The following LRP8 variants were observed in gnomAD, a reference collection of about 807,000 sequenced individuals.
LRP8 encodes the protein low-density lipoprotein receptor-related protein 8.
A neutral mutation model predicts 111.6 loss-of-function variants in LRP8; 46 were observed. The ratio of observed to expected loss-of-function variants is 0.41; its 90% CI spans 0.33 to 0.53. LRP8 has a LOEUF of 0.53. Ranked by LOEUF, LRP8 falls within the 20% of genes least tolerant of loss-of-function variation. LRP8 has a pLI of 0.20. For missense variants in LRP8, 959 were observed against 1,297.4 expected, an observed-to-expected ratio of 0.74 and a Z score of 4.01; for synonymous variants, 464 against 511.2, an observed-to-expected ratio of 0.91 and a Z score of 1.24.
chr1:53,265,714 C>T (rs556223321), intron 9 of LRP8, among the ~76,000 whole-genome samples: 1 of 152,340 alleles, frequency 6.6e-6, no homozygotes, highest in East Asian at 1.9e-4. Flanking sequence ...TGCTTCCATC[C>T]ACTCTTCCAC....
chr1:53,249,266 C>T lies in LRP8; in HGVS notation c.2853+114G>A, dbSNP rs1218452223. The stretch of plus-strand genomic sequence containing the variant: ...CATTTTTCTTCTTTGCCCCAACACC[C>T]AGCTTACAATTTGCAGCCTTCCCAA... On this transcript the variant is annotated intron_variant, in intron 18 of 18. Coordinates refer to ENST00000306052, the MANE Select transcript of LRP8 (RefSeq NM_004631.5). The surrounding 1 kb of genome is among the most constrained non-coding windows in gnomAD (Gnocchi z 4.1). The T allele has an allele frequency of 2.6e-6, 3 of 1,156,566 alleles. No homozygotes were observed. In the East Asian group the frequency reaches 7.3e-5, roughly 28 times the overall value. The allele number at this position is 1,156,566 out of a possible 1,614,324, so 71.6% of individuals were successfully genotyped here.
At chr1:53,265,228 C>T (rs1646506756) in intron 9 of LRP8, among the ~76,000 whole-genome samples, 1 of 152,188 alleles carries the variant, frequency 6.6e-6, no homozygotes, top group African/African-American at 2.4e-5. Flanking sequence ...CTTCTTCTTG[C>T]CCTCTCTCTG....
rs1647011538 is a variant in LRP8, at chr1:53,278,795, G to C, written c.497-1717C>G. 2.0e-5 allele frequency among the ~76,000 whole-genome samples: 3 copies of C among 148,820 alleles called. No individual in the cohort carries two copies. In the South Asian group the frequency reaches 6.4e-4, roughly 32 times the overall value. On this transcript the variant is annotated intron_variant, in intron 4 of 18. Transcript: ENST00000306052. ...TTTTAATTTTCTTTTTTGAGATGGA[G>C]TCTCGCTCTGTCGCCCAGGCTGGAG...
Position 53,246,174 on chromosome 1 carries a change from A to G in LRP8, c.*844T>C, listed in dbSNP as rs1645722287. Reference sequence around the variant, plus strand: ...TGGGTGAGCTGAAAGGCTTTTCCTGACTTCCTGGGGTCTCAGGAATAGCCA... The same window carrying G: ...TGGGTGAGCTGAAAGGCTTTTCCTGGCTTCCTGGGGTCTCAGGAATAGCCA... On this transcript the variant is annotated 3_prime_UTR_variant, in exon 19 of 19. Coordinates refer to ENST00000306052, the MANE Select transcript of LRP8 (RefSeq NM_004631.5). 1 of 152,162 alleles carries G rather than the reference A, an allele frequency of 6.6e-6. No homozygotes were observed. The highest frequency in any genetic ancestry group is 2.1e-4 in the South Asian group (1 of 4,832). 9.4% of individuals were successfully genotyped at this position (152,162 alleles called of 1,614,324 possible). A position where few individuals can be genotyped will look rare whatever the true frequency, so the allele number is the denominator to read the frequency against.
At chr1:53,273,886 A>G (rs912998955) in intron 6 of LRP8, among the ~76,000 whole-genome samples, 4 of 152,200 alleles carry the variant, frequency 2.6e-5, no homozygotes, top group Admixed American at 1.3e-4. Context: ...AGAAGGCAGG[A>G]AAGGGAGGGA....
At position 53,262,230 on chromosome 1, in the gene LRP8, G is replaced by A. The variant is rs1646365975; in HGVS notation, c.1775-23C>T. The A allele has an allele frequency of 6.2e-7, 1 of 1,612,030 alleles. No homozygotes were observed. Among genetic ancestry groups the A allele is most frequent in the Non-Finnish European group, 8.5e-7 (1 of 1,179,692 alleles). On this transcript the variant is annotated intron_variant, in intron 11 of 18. Transcript: ENST00000306052. This position sits in a 1 kb window ranked among gnomAD's most constrained non-coding sequence, Gnocchi z 4.8. ...GATCTTGGGAAGGAAGCAGGATCAGGTCATGAACCTGGGACCCCAGTCTGG... is the reference window on the plus strand; with the variant it reads ...GATCTTGGGAAGGAAGCAGGATCAGATCATGAACCTGGGACCCCAGTCTGG...
At position 53,326,873 on chromosome 1, in the gene LRP8, G is replaced by A. The variant is rs772720362; in HGVS notation, c.244C>T (p.Pro82Ser). 6.2e-7 allele frequency: 1 copy of A among 1,612,250 alleles called. No individual in the cohort carries two copies. Among genetic ancestry groups the A allele is most frequent in the Non-Finnish European group, 8.5e-7 (1 of 1,179,432 alleles). The part of the protein sequence containing the change: ...CLDHSDEDDC[P>S]KKTCADSDFT... ...CTGAGCTCCCTGGCCCGCCACTCAC[G>A]GCAGTCGTCCTCGTCGCTGTGGTCT... The change falls in exon 2 of 19, where the codon CCC becomes TCC. Residue 82 changes from proline to serine, a missense_variant and splice_region_variant. Pro to Ser is a moderately conservative substitution (Grantham distance 74). Coordinates refer to ENST00000306052, the MANE Select transcript of LRP8 (RefSeq NM_004631.5).
chr1:53,276,844 AGCTCG>A lies in LRP8; in HGVS notation c.726_730del (p.Glu243LeufsTer85), dbSNP rs1424386070. 7.7e-7 allele frequency: 1 copy of A among 1,299,844 alleles called. No individual in the cohort carries two copies. The highest frequency in any genetic ancestry group is 9.8e-7 in the Non-Finnish European group (1 of 1,022,818). 80.5% of individuals were successfully genotyped at this position (1,299,844 alleles called of 1,614,324 possible). Reference sequence around the variant, plus strand: ...GGCCCCGGGGCCCGGACGGCCGCAGAGCTCGGCTGCCTCGTCCGAGCGGTCCTCGC... The same window carrying A: ...GGCCCCGGGGCCCGGACGGCCGCAGAGCTGCCTCGTCCGAGCGGTCCTCGC... On this transcript the variant is annotated frameshift_variant, in exon 5 of 19. Transcript: ENST00000306052. LOFTEE classifies it high-confidence loss of function.
Position 53,275,412 on chromosome 1 carries a change from A to C in LRP8, c.1006+219T>G, listed in dbSNP as rs1287708669. Among the ~76,000 whole-genome samples the C allele has an allele frequency of 6.6e-6, 1 of 152,158 alleles. No individual in the cohort carries two copies. The highest frequency in any genetic ancestry group is 1.5e-5 in the Non-Finnish European group (1 of 68,030). ...CCCAAGTGCTCTGTCATGTCCCCCTAGGTGTCTTTCAGCTTTGGCAAAGTC... is the reference window on the plus strand; with the variant it reads ...CCCAAGTGCTCTGTCATGTCCCCCTCGGTGTCTTTCAGCTTTGGCAAAGTC... On this transcript the variant is annotated intron_variant, in intron 6 of 18. Transcript: ENST00000306052. The surrounding 1 kb of genome is among the most constrained non-coding windows in gnomAD (Gnocchi z 4.4).
chr1:53,253,147 A>G (rs1645952334), intron 16 of LRP8, among the ~76,000 whole-genome samples: 1 of 152,178 alleles, frequency 6.6e-6, no homozygotes, highest in Non-Finnish European at 1.5e-5. Context: ...ATACTAAAAA[A>G]AAGTTTAAAG....
chr1:53,314,113 C>G (rs1389862976), intron 2 of LRP8, among the ~76,000 whole-genome samples: 1 of 152,202 alleles, frequency 6.6e-6, no homozygotes, highest in East Asian at 1.9e-4. Context: ...CCAGGCAATG[C>G]CTGCACTCCG....
chr1:53,249,839 C>T lies in LRP8; in HGVS notation c.2677-283G>A, dbSNP rs541391864. Among the ~76,000 whole-genome samples the T allele has an allele frequency of 6.6e-6, 1 of 152,340 alleles. No individual in the cohort carries two copies. ...TTCCCCAGACAGAATTAATAGCTCC[C>T]TTGTTGATGTTTCCATGGCATCTGT... On this transcript the variant is annotated intron_variant, in intron 17 of 18. Transcript: ENST00000306052. This position sits in a 1 kb window ranked among gnomAD's most constrained non-coding sequence, Gnocchi z 4.1.
At chr1:53,299,223 T>C (rs953175426) in intron 2 of LRP8, among the ~76,000 whole-genome samples, 2 of 151,952 alleles carry the variant, frequency 1.3e-5, no homozygotes, top group Non-Finnish European at 2.9e-5. Flanking sequence ...GGGTGGCGGG[T>C]CCCTGGCTGC....
rs1423076947 is a variant in LRP8, at chr1:53,246,751, C to T, written c.*267G>A. ...GTGCATCATGTTAGTCAGCAGTAGC[C>T]ATTCCACGAATTCCTCATGGGTAGT... On this transcript the variant is annotated 3_prime_UTR_variant, in exon 19 of 19. Coordinates refer to ENST00000306052, the MANE Select transcript of LRP8 (RefSeq NM_004631.5). 2 of 450,736 alleles carry T rather than the reference C, an allele frequency of 4.4e-6. No individual in the cohort carries two copies. The highest frequency in any genetic ancestry group is 7.8e-6 in the Non-Finnish European group (2 of 256,542). 27.9% of individuals were successfully genotyped at this position (450,736 alleles called of 1,614,324 possible).
rs1236016457 is a variant in LRP8, at chr1:53,275,502, A to C, written c.1006+129T>G. The C allele has an allele frequency of 2.4e-6, 3 of 1,254,946 alleles. No individual in the cohort carries two copies. Among genetic ancestry groups the C allele is most frequent in the Non-Finnish European group, 3.3e-6 (3 of 901,314 alleles). The allele number at this position is 1,254,946 out of a possible 1,614,324, so 77.7% of individuals were successfully genotyped here. On this transcript the variant is annotated intron_variant, in intron 6 of 18. Transcript: ENST00000306052. This position sits in a 1 kb window ranked among gnomAD's most constrained non-coding sequence, Gnocchi z 4.4. ...AAGGGAGCCAGGTGATTTAGGGGCA[A>C]GTGATGCTCTGGGGGAAAATGCATC...
Position 53,245,465 on chromosome 1 carries a change from A to G in LRP8, c.*1553T>C, listed in dbSNP as rs888330472. The G allele has an allele frequency of 1.3e-5, 2 of 152,222 alleles. No homozygotes were observed. Among genetic ancestry groups the G allele is most frequent in the Non-Finnish European group, 2.9e-5 (2 of 68,030 alleles). The allele number at this position is 152,222 out of a possible 1,614,324, so 9.4% of individuals were successfully genotyped here. On this transcript the variant is annotated 3_prime_UTR_variant, in exon 19 of 19. Coordinates refer to ENST00000306052, the MANE Select transcript of LRP8 (RefSeq NM_004631.5). ...GTTTCCAATGGGAGACCCCACAAGT[A>G]GAAAAGAGCACTTCTCCCTTCCTCC...
Position 53,318,240 on chromosome 1 carries a change from C to CT in LRP8, c.244+8632dup, listed in dbSNP as rs57335056. On this transcript the variant is annotated intron_variant, in intron 2 of 18. Coordinates refer to ENST00000306052, the MANE Select transcript of LRP8 (RefSeq NM_004631.5). ...GAAGGAACAGTTTTGTACTCTTCTG[C>CT]TTTTTTTTTTTTTTGGTGGGGGTGA... is the stretch of plus-strand genomic sequence containing the variant. Among the ~76,000 whole-genome samples the CT allele has an allele frequency of 1.1e-3, 157 of 143,946 alleles. 1 individual carries two copies. The highest frequency in any genetic ancestry group is 3.6e-3 in the Middle Eastern group (1 of 278). The allele number at this position is 143,946 out of a possible 152,430, so 94.4% of individuals were successfully genotyped here.
Position 53,249,241 on chromosome 1 carries a change from C to T in LRP8, c.2853+139G>A. 2.4e-6 allele frequency: 2 copies of T among 837,464 alleles called. No homozygotes were observed. The highest frequency in any genetic ancestry group is 3.7e-6 in the Non-Finnish European group (2 of 540,658). The allele number at this position is 837,464 out of a possible 1,614,324, so 51.9% of individuals were successfully genotyped here. On this transcript the variant is annotated intron_variant, in intron 18 of 18. Coordinates refer to ENST00000306052, the MANE Select transcript of LRP8 (RefSeq NM_004631.5). The surrounding 1 kb of genome is among the most constrained non-coding windows in gnomAD (Gnocchi z 4.1). Reference sequence around the variant, plus strand: ...GCCATTCATTGGTCTGTGACTAACCCATTTTTCTTCTTTGCCCCAACACCC... The same window carrying T: ...GCCATTCATTGGTCTGTGACTAACCTATTTTTCTTCTTTGCCCCAACACCC...
chr1:53,274,504 C>T (rs1646855554), intron 6 of LRP8, among the ~76,000 whole-genome samples: 1 of 152,244 alleles, frequency 6.6e-6, no homozygotes, highest in Non-Finnish European at 1.5e-5. Flanking sequence ...AAGCTCTTAG[C>T]ACTTTGTAGA....
Sources: allele counts gnomAD v4.1 joint callset (sites outside exome capture counted in the v4.1 genomes callset), GRCh38; gene constraint gnomAD v4.1.1; non-coding constraint Gnocchi (gnomAD v3.1); transcripts MANE v1.5; gene names NCBI Gene and HGNC (gene_info 2026-07-23, HGNC 2026-07-21).